Variants in FRK observed in about 807,000 individuals in gnomAD.
FRK encodes the protein tyrosine-protein kinase FRK.
FRK carries 51 observed loss-of-function variants against 56.4 expected under a neutral mutation model. The observed-to-expected ratio is 0.90, with a 90% CI of 0.72 to 1.14. The LOEUF is 1.14. Ranked by LOEUF, FRK falls within the 50% of genes most tolerant of loss-of-function variation. The probability of loss-of-function intolerance (pLI) is 0.00; values close to 1 mark genes in which losing one functional copy is unlikely to be tolerated. For synonymous variants in FRK, 245 were observed against 217.9 expected, an observed-to-expected ratio of 1.12 and a Z score of -1.10; for missense variants, 570 against 601.4, an observed-to-expected ratio of 0.95 and a Z score of 0.55.
chr6:116,004,243 T>C (rs1006189651), intron 1 of FRK, among the ~76,000 whole-genome samples: 1 of 152,132 alleles, frequency 6.6e-6, no homozygotes, highest in Non-Finnish European at 1.5e-5. Flanking sequence ...CCACATCACT[T>C]CTCACAGCTG....
the FRK span, among the ~76,000 whole-genome samples, chr6:116,077,898 G>A: frequency 1.2e-4 from 19 of 152,332 alleles, no homozygotes; most frequent in East Asian, 3.1e-3. Context: ...AGTGGCTCAT[G>A]CCTGTAATCC....
Position 115,956,577 on chromosome 6 carries a change from G to A in FRK, c.833C>T (p.Ala278Val). 6.3e-7 allele frequency: 1 copy of A among 1,584,192 alleles called. No individual in the cohort carries two copies. The highest frequency in any genetic ancestry group is 8.6e-7 in the Non-Finnish European group (1 of 1,166,430). The change falls in exon 5 of 8, where the codon GCA (alanine) becomes GTA (valine). Residue 278 changes from alanine to valine, a missense_variant. Ala to Val is a moderately conservative substitution (Grantham distance 64). Coordinates refer to ENST00000606080, the MANE Select transcript of FRK (RefSeq NM_002031.3). ...ATGTCTTAGGTTCTTCATTATCTGT[G>A]CCTCCCTCAGGAAGTCATTTGGATC... ...SMDPNDFLRE[A>V]QIMKNLRHPK... is the part of the protein sequence containing the mutation.
rs371129473 is a variant in FRK at position 116,039,527 on chromosome 6, A to G, written c.344+20441T>C. On this transcript the variant is annotated intron_variant, in intron 1 of 7. Coordinates refer to ENST00000606080, the MANE Select transcript of FRK (RefSeq NM_002031.3). Reference sequence around the variant, plus strand: ...TCCATCTTCCCTACCCTTCCTGCCAAGCCAGGGACTAAGCAGCCCAGAAGC... The same window carrying G: ...TCCATCTTCCCTACCCTTCCTGCCAGGCCAGGGACTAAGCAGCCCAGAAGC... 121 of 1,259,578 alleles carry G rather than the reference A, an allele frequency of 9.6e-5. 2 individuals are homozygous for G. In the East Asian group the frequency reaches 2.1e-3, roughly 22 times the overall value. The allele number at this position is 1,259,578 out of a possible 1,614,324, so 78.0% of individuals were successfully genotyped here.
At chr6:116,096,665 ATAAAATGGACCAATCAGCGCTCTG>A in the FRK span, among the ~76,000 whole-genome samples, 327 of 152,010 alleles carry the variant, frequency 2.2e-3, no homozygotes, top group African/African-American at 7.6e-3. Context: ...TCAGCACTCT[ATAAAATGGACCAATCAGCGCTCTG>A]TAAAATGGAC....
intron 2 of FRK, among the ~76,000 whole-genome samples, chr6:116,000,300 T>C (rs1775014943): frequency 1.5e-5 from 2 of 133,888 alleles, no homozygotes; most frequent in East Asian, 2.3e-4. Flanking sequence ...TGGAGTACAA[T>C]GGCGTGACCT....
At chr6:115,973,794 C>T (rs1010789838) in intron 2 of FRK, among the ~76,000 whole-genome samples, 2 of 151,628 alleles carry the variant, frequency 1.3e-5, no homozygotes, top group African/African-American at 4.8e-5. Flanking sequence ...TTGCTTGAAC[C>T]CGGGAGGCAG....
intron 2 of FRK, among the ~76,000 whole-genome samples, chr6:115,969,811 A>G (rs1773735341): frequency 6.6e-6 from 1 of 152,210 alleles, no homozygotes; most frequent in South Asian, 2.1e-4. Flanking sequence ...GTGAAGCTTA[A>G]TCCCAGGAGC....
At chr6:115,972,723 T>G (rs2114614331) in intron 2 of FRK, among the ~76,000 whole-genome samples, 1 of 152,344 alleles carries the variant, frequency 6.6e-6, no homozygotes, top group Admixed American at 6.5e-5. Flanking sequence ...AAACTCCATT[T>G]TAACATTGTT....
intron 1 of FRK, among the ~76,000 whole-genome samples, chr6:116,044,591 A>G (rs952620054): frequency 2.6e-5 from 4 of 152,238 alleles, no homozygotes; most frequent in Admixed American, 6.5e-5. Context: ...TCTCAAAATA[A>G]TAAGAGCGAT....
chr6:116,067,842 T>C, the FRK span, among the ~76,000 whole-genome samples: 3 of 152,204 alleles, frequency 2.0e-5, no homozygotes, highest in Non-Finnish European at 4.4e-5. Context: ...ATGGGATTTA[T>C]GTTATTCTGA....
At chr6:116,045,977 G>T (rs989609277) in intron 1 of FRK, among the ~76,000 whole-genome samples, 3 of 152,098 alleles carry the variant, frequency 2.0e-5, no homozygotes, top group Non-Finnish European at 2.9e-5. Context: ...CAAAAAGTGG[G>T]TAAAGGATAT....
chr6:116,028,143 T>C (rs1776164620), intron 1 of FRK, among the ~76,000 whole-genome samples: 1 of 152,162 alleles, frequency 6.6e-6, no homozygotes, highest in Non-Finnish European at 1.5e-5. Flanking sequence ...TTCTGCAATT[T>C]AACTCAGTTT....
At chr6:116,059,422 T>A (rs1777531136) in intron 1 of FRK, among the ~76,000 whole-genome samples, 1 of 152,118 alleles carries the variant, frequency 6.6e-6, no homozygotes. Context: ...AAAATCTATA[T>A]CATGATGTCA....
At chr6:115,951,944 T>G (rs1006673505) in intron 5 of FRK, among the ~76,000 whole-genome samples, 1 of 152,122 alleles carries the variant, frequency 6.6e-6, no homozygotes, top group Non-Finnish European at 1.5e-5. Context: ...TCTTGAGTAA[T>G]GTTTTACTCA....
At chr6:116,057,102 A>G (rs1020302850) in intron 1 of FRK, among the ~76,000 whole-genome samples, 1 of 152,246 alleles carries the variant, frequency 6.6e-6, no homozygotes, top group Non-Finnish European at 1.5e-5. Context: ...GTAAAGACAT[A>G]AAAACACAAA....
intron 1 of FRK, among the ~76,000 whole-genome samples, chr6:116,054,573 G>T (rs1777319312): frequency 6.9e-6 from 1 of 144,796 alleles, no homozygotes; most frequent in Admixed American, 7.0e-5. Flanking sequence ...TAAATATAGT[G>T]TTATTTATAT....
At chr6:116,020,660 C>T (rs1202473937) in intron 1 of FRK, among the ~76,000 whole-genome samples, 7 of 152,156 alleles carry the variant, frequency 4.6e-5, no homozygotes, top group Non-Finnish European at 8.8e-5. Flanking sequence ...GCTACCTCTC[C>T]AAATTACATA....
At chr6:115,972,126 T>A (rs1210299092) in intron 2 of FRK, among the ~76,000 whole-genome samples, 2 of 152,096 alleles carry the variant, frequency 1.3e-5, no homozygotes, top group African/African-American at 4.8e-5. Context: ...CCTGGGCAGT[T>A]CTCCCACCAC....
chr6:116,014,391 C>T (rs768463690), intron 1 of FRK, among the ~76,000 whole-genome samples: 7 of 151,698 alleles, frequency 4.6e-5, no homozygotes, highest in Non-Finnish European at 1.0e-4. Context: ...GGAAATTAAC[C>T]ATAGGCTATA....
Sources: gnomAD v4.1 joint callset for allele counts (sites outside exome capture counted in the v4.1 genomes callset) on GRCh38, gnomAD v4.1.1 for gene constraint, MANE v1.5 for transcripts, NCBI Gene and HGNC (gene_info 2026-07-23, HGNC 2026-07-21) for gene names.